CLEC4M: variants seen among roughly 807,000 people sequenced by gnomAD.
CLEC4M encodes the protein CD209 antigen-like protein 1.
Under a neutral mutation model 39.1 loss-of-function variants are expected in CLEC4M, and 25 were observed. The ratio of observed to expected loss-of-function variants is 0.64; its 90% CI spans 0.47 to 0.89. The LOEUF is 0.89. Among genes scored for constraint, CLEC4M ranks in the 40% least tolerant of loss-of-function variants. The pLI, the probability that CLEC4M is intolerant of heterozygous loss-of-function variation, is 0.00. For missense variants in CLEC4M, 353 were observed against 431.4 expected (o/e 0.82, Z 1.61); for synonymous variants, 155 against 177.4 (o/e 0.87, Z 1.00).
intron 2 of CLEC4M, among the ~76,000 whole-genome samples, chr19:7,764,634 G>A (rs973520476): frequency 3.3e-5 from 5 of 151,738 alleles, no homozygotes; most frequent in Admixed American, 6.6e-5. Flanking sequence ...GACTACAGGC[G>A]CCCACCACCA....
chr19:7,765,752 A>G lies in CLEC4M; in HGVS notation c.329A>G (p.Gln110Arg). 3 of 1,613,796 alleles carry G rather than the reference A, an allele frequency of 1.9e-6. No homozygotes were observed. Among genetic ancestry groups the G allele is most frequent in the Middle Eastern group, 1.7e-4 (1 of 6,056 alleles). Residue 110 changes from glutamine to arginine, a missense_variant, in exon 4 of 7, where the codon CAG becomes CGG. Transcript: ENST00000327325. The stretch of plus-strand genomic sequence containing the variant: ...GAGCTCTCAGAGAAATCCAAGCTGC[A>G]GGAGATCTACCAGGAGCTGACCCAG... ...VGELSEKSKL[Q>R]EIYQELTQLK...
At chr19:7,767,127 C>T (rs917212795) in intron 5 of CLEC4M, 14 of 448,726 alleles carry the variant, frequency 3.1e-5, no homozygotes, top group Middle Eastern at 6.4e-4. Flanking sequence ...ATTTCCACTG[C>T]GGCTGATTTC....
Position 7,763,285 on chromosome 19 carries a change from C to A in CLEC4M, c.19C>A (p.Pro7Thr). The A allele has an allele frequency of 6.2e-7, 1 of 1,606,512 alleles. No homozygotes were observed. The highest frequency in any genetic ancestry group is 8.5e-7 in the Non-Finnish European group (1 of 1,176,448). ...GGAAAACATGAGTGACTCCAAGGAACCAAGGGTGCAGCAGCTGGGCCTCCT... is the reference window on the plus strand; with the variant it reads ...GGAAAACATGAGTGACTCCAAGGAAACAAGGGTGCAGCAGCTGGGCCTCCT... MSDSKE[P>T]RVQQLGLLEE... The change falls in exon 1 of 7, where the codon CCA becomes ACA. Residue 7 changes from proline (P) to threonine (T), a missense_variant. Coordinates refer to ENST00000327325, the MANE Select transcript of CLEC4M (RefSeq NM_014257.5).
At chr19:7,764,227 T>G (rs2146346239) in intron 2 of CLEC4M, among the ~76,000 whole-genome samples, 1 of 152,040 alleles carries the variant, frequency 6.6e-6, no homozygotes, top group South Asian at 2.1e-4. Context: ...GGGGGAGATC[T>G]GTGCAGGGGG....
chr19:7,765,546 G>A, intron 3 of CLEC4M, 92 bp from the exon 4 acceptor site: 2 of 1,563,702 alleles, frequency 1.3e-6, no homozygotes, highest in Non-Finnish European at 1.7e-6. Context: ...TGAGACCTTG[G>A]CTCTCACAAA....
chr19:7,766,956 A>AC, intron 5 of CLEC4M, 149 bp downstream of exon 5: 1 of 1,359,734 alleles, frequency 7.4e-7, no homozygotes, highest in Non-Finnish European at 9.9e-7. Flanking sequence ...GGTCCCAGGT[A>AC]CCCTTCAAGC....
At chr19:7,767,006 G>A (rs1568206055) in intron 5 of CLEC4M, 199 bp downstream of exon 5, 2 of 943,832 alleles carry the variant, frequency 2.1e-6, no homozygotes, top group Non-Finnish European at 3.1e-6. Context: ...ATATTTGGGG[G>A]AAACGTCAAA....
intron 4 of CLEC4M, 106 bp from the exon 5 acceptor site, chr19:7,766,550 G>T: frequency 6.4e-7 from 1 of 1,570,176 alleles, no homozygotes; most frequent in East Asian, 2.2e-5. Context: ...CACCCAACAT[G>T]GACAGTCAAG....
intron 3 of CLEC4M, 155 bp from the exon 4 acceptor site, chr19:7,765,483 T>C: frequency 7.5e-7 from 1 of 1,333,444 alleles, no homozygotes; most frequent in South Asian, 1.5e-5. Context: ...TCCTTGGCCT[T>C]CTGTGCTGCC....
rs185614435 is a variant in CLEC4M, at chr19:7,764,871, T to A, written c.131-314T>A. On this transcript the variant is annotated intron_variant, in intron 2 of 6. Coordinates refer to ENST00000327325, the MANE Select transcript of CLEC4M (RefSeq NM_014257.5). Reference sequence around the variant, plus strand: ...TGGGTTTTCTTACATACAACTGAGTTTTTGCTTACACATTCTTTAATTTCT... The same window carrying A: ...TGGGTTTTCTTACATACAACTGAGTATTTGCTTACACATTCTTTAATTTCT... Among the ~76,000 whole-genome samples, 5 of 152,284 alleles carry A rather than the reference T, an allele frequency of 3.3e-5. No homozygotes were observed. In the East Asian group the frequency reaches 5.8e-4, roughly 18 times the overall value.
chr19:7,768,301 C>A (rs954728093), intron 6 of CLEC4M: 1 of 155,170 alleles, frequency 6.4e-6, no homozygotes, highest in African/African-American at 2.4e-5. Flanking sequence ...CTCGGCCAGG[C>A]GCGGTGGCTC....
intron 1 of CLEC4M, 35 bp from the exon 2 acceptor site, chr19:7,763,358 T>C (rs1335071127): frequency 2.5e-6 from 4 of 1,612,784 alleles, no homozygotes; most frequent in Non-Finnish European, 3.4e-6. Flanking sequence ...GGGGAAGGGA[T>C]GGCCCAGGCT....
At chr19:7,767,495 G>A in intron 5 of CLEC4M, 21 bp from the exon 6 acceptor site, 2 of 1,589,748 alleles carry the variant, frequency 1.3e-6, no homozygotes, top group South Asian at 1.1e-5. Flanking sequence ...GCTCCCTCCT[G>A]ACTCCTCCTC....
At chr19:7,767,664 G>A (rs772099962) in intron 6 of CLEC4M, 36 bp downstream of exon 6, 34 of 1,582,256 alleles carry the variant, frequency 2.1e-5, no homozygotes, top group Middle Eastern at 3.3e-4. Flanking sequence ...GTATCCAGTC[G>A]GGCTGGGTTC....
At chr19:7,766,350 G>A (rs2034274913) in intron 4 of CLEC4M, 143 bp downstream of exon 4, 1 of 1,487,936 alleles carries the variant, frequency 6.7e-7, no homozygotes, top group South Asian at 1.4e-5. Context: ...ATTGCACTTG[G>A]TGTTCACAGT....
Position 7,766,820 on chromosome 19 carries a change from G to A in CLEC4M, c.936+13G>A, listed in dbSNP as rs1265456506. On this transcript the variant is annotated intron_variant, in intron 5 of 6. Transcript: ENST00000327325. Reference sequence around the variant, plus strand: ...TGCTGAGGAGCAGGTACACGTGGTGGGGGTCCTCGTCCTGGCCTGGGGCAT... The same window carrying A: ...TGCTGAGGAGCAGGTACACGTGGTGAGGGTCCTCGTCCTGGCCTGGGGCAT... 1.9e-6 allele frequency: 3 copies of A among 1,614,218 alleles called. No homozygotes were observed. Among genetic ancestry groups the A allele is most frequent in the Non-Finnish European group, 2.5e-6 (3 of 1,180,022 alleles).
intron 6 of CLEC4M, 171 bp from the exon 7 acceptor site, chr19:7,768,667 G>C (rs2034386449): frequency 1.6e-6 from 1 of 617,718 alleles, no homozygotes; most frequent in Non-Finnish European, 2.7e-6. Flanking sequence ...TGCAGCAAGA[G>C]AGGCAGGAAC....
At chr19:7,766,945 G>C in intron 5 of CLEC4M, 138 bp downstream of exon 5, 2 of 1,447,140 alleles carry the variant, frequency 1.4e-6, no homozygotes, top group Non-Finnish European at 1.9e-6. Flanking sequence ...ATGAATGAAG[G>C]GGTCCCAGGT....
chr19:7,766,791 A>C lies in CLEC4M; in HGVS notation c.920A>C (p.Lys307Thr). The change falls in exon 5 of 7, where the codon AAA (lysine) becomes ACA (threonine). Residue 307 changes from lysine to threonine, a missense_variant. Lys to Thr is a moderately conservative substitution (Grantham distance 78). This residue lies in a region of CLEC4M where 196 missense variants were observed against 211.7 expected (regional missense o/e 0.93). Coordinates refer to ENST00000327325, the MANE Select transcript of CLEC4M (RefSeq NM_014257.5). ...QEVRAQLVVI[K>T]TAEEQNFLQL... The stretch of plus-strand genomic sequence containing the variant: ...GTGAGGGCCCAGCTCGTCGTAATCA[A>C]AACTGCTGAGGAGCAGGTACACGTG... 6.2e-7 allele frequency: 1 copy of C among 1,614,222 alleles called. No individual in the cohort carries two copies. The highest frequency in any genetic ancestry group is 8.5e-7 in the Non-Finnish European group (1 of 1,180,038).
Sources: allele counts gnomAD v4.1 joint callset (sites outside exome capture counted in the v4.1 genomes callset), GRCh38; gene constraint gnomAD v4.1.1; regional missense constraint gnomAD v4.1.1; transcripts MANE v1.5; gene names NCBI Gene and HGNC (gene_info 2026-07-23, HGNC 2026-07-21).